Variants in MYOCD observed in about 807,000 individuals in gnomAD.
MYOCD encodes myocardin.
In MYOCD, 32 loss-of-function variants were observed where a neutral mutation model predicts 96.1. That is an observed-to-expected ratio of 0.33 (90% CI 0.25 to 0.45). MYOCD has a LOEUF of 0.45. MYOCD is among the 20% of genes least tolerant of loss of function. MYOCD has a pLI of 1.00. For synonymous variants in MYOCD, 469 were observed against 469.0 expected, an observed-to-expected ratio of 1.00 and a Z score of 0.00; for missense variants, 1,133 against 1,200.6, an observed-to-expected ratio of 0.94 and a Z score of 0.83.
intron 1 of MYOCD, among the ~76,000 whole-genome samples, chr17:12,670,303 C>G (rs551223663): frequency 6.6e-6 from 1 of 152,294 alleles, no homozygotes; most frequent in South Asian, 2.1e-4. Context: ...GGTTGCTTGT[C>G]CTTTCAGAGA....
At chr17:12,705,224 T>C (rs1347279370) in intron 2 of MYOCD, 31 bp downstream of exon 2, 8 of 1,523,552 alleles carry the variant, frequency 5.3e-6, no homozygotes, top group African/African-American at 1.4e-5. Flanking sequence ...ATTACTGATA[T>C]ACATAGGGCC....
intron 12 of MYOCD, among the ~76,000 whole-genome samples, chr17:12,759,972 C>G (rs529594560): frequency 2.6e-5 from 4 of 152,182 alleles, no homozygotes; most frequent in Non-Finnish European, 4.4e-5. Flanking sequence ...TAGACTGTTT[C>G]ATTCAGTAGA....
At chr17:12,719,944 T>C (rs1469895009) in intron 4 of MYOCD, among the ~76,000 whole-genome samples, 3 of 144,440 alleles carry the variant, frequency 2.1e-5, no homozygotes. Context: ...CTTTAATAAA[T>C]AGCAGCTCCA....
At chr17:12,734,007 TTTGCTCTCTCTCTAC>T (rs1294531198) in intron 5 of MYOCD, among the ~76,000 whole-genome samples, 3 of 152,172 alleles carry the variant, frequency 2.0e-5, no homozygotes, top group Non-Finnish European at 4.4e-5. Context: ...ATTTTTATTA[TTTGCTCTCTCTCTAC>T]TTGAAACAAT....
Position 12,752,479 on chromosome 17 carries a change from C to G in MYOCD, c.1191C>G (p.Leu397=), listed in dbSNP as rs776196150. The change falls in exon 10 of 14, where the codon CTC becomes CTG. Residue 397 remains leucine, a synonymous_variant. Transcript: ENST00000425538. ...CTGTGTCAGGCACCAAAACGGCTCT[C>G]ATGGACCGGCTTCGACCCTTCCAGG... ...GLPVSGTKTA[L]MDRLRPFQDC... 1 of 1,614,194 alleles carries G rather than the reference C, an allele frequency of 6.2e-7. No individual in the cohort carries two copies. The highest frequency in any genetic ancestry group is 2.2e-5 in the East Asian group (1 of 44,886).
chr17:12,742,416 A>G (rs2032538354), intron 7 of MYOCD, among the ~76,000 whole-genome samples: 1 of 152,094 alleles, frequency 6.6e-6, no homozygotes, highest in Non-Finnish European at 1.5e-5. Flanking sequence ...GAACCTGCCA[A>G]GTCAGAATAT....
chr17:12,754,080 G>GTA (rs1313776642), intron 10 of MYOCD, among the ~76,000 whole-genome samples: 1 of 151,294 alleles, frequency 6.6e-6, no homozygotes, highest in Admixed American at 6.6e-5. Flanking sequence ...GTGTGTATGT[G>GTA]TGTGTGTGTG....
intron 1 of MYOCD, among the ~76,000 whole-genome samples, chr17:12,694,881 C>CAGAAAAAAAA (rs2030663348): frequency 1.4e-5 from 1 of 69,650 alleles, no homozygotes; most frequent in Non-Finnish European, 2.9e-5. Flanking sequence ...AAGGAATAAC[C>CAGAAAAAAAA]AAAAAAAAAA....
At chr17:12,754,387 C>T (rs889121282) in intron 10 of MYOCD, among the ~76,000 whole-genome samples, 12 of 152,218 alleles carry the variant, frequency 7.9e-5, no homozygotes, top group Admixed American at 4.6e-4. Flanking sequence ...CAGGCGTGAG[C>T]CACCATGCCC....
chr17:12,725,921 T>C (rs1195278943), intron 5 of MYOCD, among the ~76,000 whole-genome samples: 1 of 152,154 alleles, frequency 6.6e-6, no homozygotes, highest in Non-Finnish European at 1.5e-5. Flanking sequence ...CAAAAGATGA[T>C]GAGGTGGCTT....
rs760414580 is a variant in MYOCD at position 12,744,241 on chromosome 17, A to G, written c.776A>G (p.Lys259Arg). The part of the protein sequence containing the change: ...RHKKPKDPKP[K>R]VKKLKYHQYI... ...AAAAAGCCCAAGGACCCCAAGCCAA[A>G]GGTGAAGAAGCTTAAATATCACCAG... The change falls in exon 8 of 14, where the codon AAG becomes AGG. Residue 259 changes from lysine (K) to arginine (R), a missense_variant. Coordinates refer to ENST00000425538, the MANE Select transcript of MYOCD (RefSeq NM_001146312.3). 2.0e-5 allele frequency: 32 copies of G among 1,614,076 alleles called. No individual in the cohort carries two copies. The Admixed American group carries it at 5.3e-4, about 27-fold the overall frequency.
intron 12 of MYOCD, among the ~76,000 whole-genome samples, chr17:12,759,312 A>G (rs2033103568): frequency 6.6e-6 from 1 of 152,228 alleles, no homozygotes; most frequent in South Asian, 2.1e-4. Flanking sequence ...CTGGCAAACC[A>G]GGAGCCACAC....
At chr17:12,687,357 A>G (rs1471325278) in intron 1 of MYOCD, among the ~76,000 whole-genome samples, 1 of 152,162 alleles carries the variant, frequency 6.6e-6, no homozygotes, top group East Asian at 1.9e-4. Flanking sequence ...ATGTGGGTTT[A>G]CTCAGTAAAA....
intron 1 of MYOCD, among the ~76,000 whole-genome samples, chr17:12,679,283 A>G (rs1483769629): frequency 6.6e-6 from 1 of 152,070 alleles, no homozygotes; most frequent in African/African-American, 2.4e-5. Context: ...AGAAGGGGAG[A>G]TGGAAATTCA....
intron 9 of MYOCD, among the ~76,000 whole-genome samples, chr17:12,750,133 G>A (rs1006762017): frequency 5.3e-5 from 8 of 151,910 alleles, no homozygotes; most frequent in Non-Finnish European, 4.4e-5. Flanking sequence ...CACGGCGCCC[G>A]GCTAAAGTTT....
intron 5 of MYOCD, among the ~76,000 whole-genome samples, chr17:12,729,664 C>G (rs1243476282): frequency 1.3e-5 from 2 of 152,014 alleles, no homozygotes; most frequent in African/African-American, 2.4e-5. Context: ...TGCAACCTCC[C>G]AGGTTCAAAC....
chr17:12,721,824 G>A (rs760423712), intron 4 of MYOCD, among the ~76,000 whole-genome samples: 2 of 152,204 alleles, frequency 1.3e-5, no homozygotes, highest in African/African-American at 2.4e-5. Context: ...GCAAGGAACT[G>A]TAAGGGGTGC....
At chr17:12,688,703 C>A (rs1226852160) in intron 1 of MYOCD, among the ~76,000 whole-genome samples, 4 of 150,894 alleles carry the variant, frequency 2.7e-5, no homozygotes, top group Non-Finnish European at 4.4e-5. Flanking sequence ...TCCTCCCTTC[C>A]TTCCTTTTTT....
chr17:12,679,026 T>A (rs897369988), intron 1 of MYOCD, among the ~76,000 whole-genome samples: 6 of 152,042 alleles, frequency 3.9e-5, no homozygotes, highest in Admixed American at 3.9e-4. Flanking sequence ...TGGCTCAAGG[T>A]CACCCAGCAG....
Sources: allele counts gnomAD v4.1 joint callset (sites outside exome capture counted in the v4.1 genomes callset), GRCh38; gene constraint gnomAD v4.1.1; transcripts MANE v1.5; gene names NCBI Gene and HGNC (gene_info 2026-07-23, HGNC 2026-07-21).